MYO5A: variants seen among roughly 807,000 people sequenced by gnomAD.
MYO5A encodes unconventional myosin-Va.
Under a neutral mutation model 249.7 loss-of-function variants are expected in MYO5A, and 98 were observed. That is an observed-to-expected ratio of 0.39 (90% CI 0.33 to 0.46). MYO5A has a LOEUF of 0.46. Among genes scored for constraint, MYO5A ranks in the 20% least tolerant of loss-of-function variants. MYO5A has a pLI of 0.98. For synonymous variants in MYO5A, 778 were observed against 810.6 expected (o/e 0.96, Z 0.68); for missense variants, 1,696 against 2,308.8 (o/e 0.73, Z 5.44).
rs577005131 is a variant in MYO5A, at chr15:52,528,578, C to A, written c.27+202G>T. Among the ~76,000 whole-genome samples, 9 of 152,370 alleles carry A rather than the reference C, an allele frequency of 5.9e-5. No individual in the cohort carries two copies. In the South Asian group the frequency reaches 1.7e-3, roughly 28 times the overall value. ...GAGACCCCCGAGGCGGGCCACCTTC[C>A]GCCGCCTTCACCATCTCGCCCGAAA... On this transcript the variant is annotated intron_variant, in intron 1 of 41. Transcript: ENST00000399233.
At chr15:52,496,077 T>A (rs11853544) in intron 1 of MYO5A, among the ~76,000 whole-genome samples, 22,330 of 129,668 alleles carry the variant, frequency 0.17, 1,766 homozygotes, top group Middle Eastern at 0.25. Flanking sequence ...GTATAATTTT[T>A]AAAAAAAAGA....
chr15:52,428,354 G>A (rs758434260), intron 3 of MYO5A, 44 bp downstream of exon 3: 4 of 1,569,628 alleles, frequency 2.5e-6, no homozygotes. Context: ...ATGTCCATTA[G>A]AGGAAAGAGT....
At chr15:52,466,459 G>A (rs992322748) in intron 1 of MYO5A, among the ~76,000 whole-genome samples, 12 of 152,314 alleles carry the variant, frequency 7.9e-5, no homozygotes, top group African/African-American at 2.4e-4. Flanking sequence ...CACTGCAGAC[G>A]AGAAGCAAAC....
In MYO5A at chr15:52,371,831, C is replaced by T. The variant is rs554239307; in HGVS notation, c.2817+293G>A. 3.6e-3 allele frequency among the ~76,000 whole-genome samples: 542 copies of T among 151,596 alleles called. 4 individuals carry two copies. The highest frequency in any genetic ancestry group is 4.3e-3 in the Non-Finnish European group (295 of 67,894). On this transcript the variant is annotated intron_variant, in intron 21 of 41. Coordinates refer to ENST00000399233, the MANE Select transcript of MYO5A (RefSeq NM_001382347.1). Reference sequence around the variant, plus strand: ...GCTGCAGTGAGCTGTGACCATGCCACTGAACTCTAGCCTGGGCGACAGAGT... The same window carrying T: ...GCTGCAGTGAGCTGTGACCATGCCATTGAACTCTAGCCTGGGCGACAGAGT...
intron 1 of MYO5A, among the ~76,000 whole-genome samples, chr15:52,471,074 C>A (rs1056391868): frequency 1.3e-5 from 2 of 151,448 alleles, no homozygotes; most frequent in Non-Finnish European, 2.9e-5. Context: ...TCCAGACCTT[C>A]TTGGGGTCCA....
At chr15:52,466,267 T>A (rs1327738728) in intron 1 of MYO5A, among the ~76,000 whole-genome samples, 1 of 152,048 alleles carries the variant, frequency 6.6e-6, no homozygotes, top group African/African-American at 2.4e-5. Flanking sequence ...AGGCTGGGGC[T>A]TGGGGAACTG....
intron 21 of MYO5A, among the ~76,000 whole-genome samples, chr15:52,371,290 A>G (rs138365613): frequency 1.1e-3 from 169 of 152,216 alleles, no homozygotes; most frequent in African/African-American, 3.9e-3. Context: ...AATTACCTTT[A>G]TATCATTTAC....
In MYO5A at chr15:52,346,403, C is replaced by A. The variant is rs983508058; in HGVS notation, c.3917G>T (p.Gly1306Val). The change falls in exon 30 of 42, where the codon GGT (glycine) becomes GTT (valine). Residue 1306 changes from glycine to valine, a missense_variant. Physicochemically the swap from Gly to Val is moderately radical, Grantham distance 109 (BLOSUM62 -3). Transcript: ENST00000399233. ...ACCAATGTATGCTTGTGCTATTTCA[C>A]CTTTATCTTTCATTTTTTGTACATC... ...LEDVQKMKDK[G>V]EIAQAYIGLK... The A allele has an allele frequency of 1.2e-6, 2 of 1,607,726 alleles. No individual in the cohort carries two copies. The highest frequency in any genetic ancestry group is 4.5e-5 in the East Asian group (2 of 44,856).
Position 52,364,587 on chromosome 15 carries a change from A to C in MYO5A, c.3276T>G (p.Tyr1092Ter). Residue 1092 changes from tyrosine (Y) to a stop codon, truncating the protein, a stop_gained, in exon 24 of 42, where the codon TAT (tyrosine) becomes TAG (stop). Transcript: ENST00000399233. LOFTEE classifies it high-confidence loss of function. ...GGGTCATCTCTTCCTTGAGGTCATC[A>C]TATCTTTCTTCCAGGCGACTGAACT... ...LNEFSRLEER[Y>*]DDLKEEMTLM... is the part of the protein sequence containing the mutation. 6.2e-7 allele frequency: 1 copy of C among 1,613,816 alleles called. No individual in the cohort carries two copies. The highest frequency in any genetic ancestry group is 8.5e-7 in the Non-Finnish European group (1 of 1,179,942).
chr15:52,448,659 T>C (rs1269720031), intron 1 of MYO5A, among the ~76,000 whole-genome samples: 1 of 152,166 alleles, frequency 6.6e-6, no homozygotes, highest in Non-Finnish European at 1.5e-5. Flanking sequence ...AGATGGGTCC[T>C]GGTGGGAGGT....
intron 1 of MYO5A, among the ~76,000 whole-genome samples, chr15:52,478,501 G>C (rs911589430): frequency 1.3e-5 from 2 of 152,134 alleles, no homozygotes; most frequent in Admixed American, 6.5e-5. Flanking sequence ...CTTCTGCGTC[G>C]CTCATGCTGG....
At chr15:52,490,286 C>A (rs1170993835) in intron 1 of MYO5A, among the ~76,000 whole-genome samples, 1 of 152,168 alleles carries the variant, frequency 6.6e-6, no homozygotes, top group East Asian at 1.9e-4. Flanking sequence ...TGCTTGTACA[C>A]CCATGTTCAC....
At chr15:52,472,223 G>C (rs2950061) in intron 1 of MYO5A, among the ~76,000 whole-genome samples, 142,616 of 152,042 alleles carry the variant, frequency 0.94, 67,577 homozygotes, top group East Asian at 1. Flanking sequence ...GGACTACAGG[G>C]ACCAGCCACC....
Position 52,330,475 on chromosome 15 carries a change from G to A in MYO5A, c.4433C>T (p.Pro1478Leu). 6.2e-7 allele frequency: 1 copy of A among 1,614,006 alleles called. No homozygotes were observed. The highest frequency in any genetic ancestry group is 8.5e-7 in the Non-Finnish European group (1 of 1,179,954). The change falls in exon 35 of 42, where the codon CCA becomes CTA. Residue 1478 changes from proline (P) to leucine (L), a missense_variant. Pro to Leu is a moderately conservative substitution (Grantham distance 98). Coordinates refer to ENST00000399233, the MANE Select transcript of MYO5A (RefSeq NM_001382347.1). ...GATGGGTTCATCAATGATCTGTCCTGGGGATATGTTCTCCATCTGGCCCAC... is the reference window on the plus strand; with the variant it reads ...GATGGGTTCATCAATGATCTGTCCTAGGGATATGTTCTCCATCTGGCCCAC... ...LEVGQMENISPGQIIDEPIRP... is the reference protein window; with the variant it reads ...LEVGQMENISLGQIIDEPIRP...
At chr15:52,391,370 C>T (rs146410189) in intron 12 of MYO5A, among the ~76,000 whole-genome samples, 80 of 152,186 alleles carry the variant, frequency 5.3e-4, no homozygotes, top group African/African-American at 1.8e-3. Context: ...GGAGGGTACA[C>T]CTGTGCTAAA....
At chr15:52,524,180 A>G (rs2077683497) in intron 1 of MYO5A, among the ~76,000 whole-genome samples, 1 of 152,246 alleles carries the variant, frequency 6.6e-6, no homozygotes, top group African/African-American at 2.4e-5. Context: ...CTCAGCACAC[A>G]TGGGAACCTC....
intron 1 of MYO5A, among the ~76,000 whole-genome samples, chr15:52,485,216 G>A (rs752690791): frequency 3.1e-5 from 4 of 127,580 alleles, no homozygotes; most frequent in South Asian, 4.9e-4. Context: ...ATCTGTAAAT[G>A]ACAGAACACA....
chr15:52,433,899 T>G (rs2075599058), intron 1 of MYO5A, among the ~76,000 whole-genome samples: 1 of 152,180 alleles, frequency 6.6e-6, no homozygotes, highest in Non-Finnish European at 1.5e-5. Flanking sequence ...ACATAAGATC[T>G]ATTTTTGAAG....
At chr15:52,313,871 T>A (rs1348633903) in intron 41 of MYO5A, 23 bp from the exon 42 acceptor site, 1 of 1,612,602 alleles carries the variant, frequency 6.2e-7, no homozygotes, top group East Asian at 2.2e-5. Flanking sequence ...GGAAAAAAAA[T>A]AAACAGAGCA....
Sources: allele counts gnomAD v4.1 joint callset (sites outside exome capture counted in the v4.1 genomes callset), GRCh38; gene constraint gnomAD v4.1.1; transcripts MANE v1.5; gene names NCBI Gene and HGNC (gene_info 2026-07-23, HGNC 2026-07-21).